Variants in KLHL32 observed in about 807,000 individuals in gnomAD.
KLHL32 encodes kelch-like protein 32.
A neutral mutation model predicts 64.8 loss-of-function variants in KLHL32; 35 were observed. That is an observed-to-expected ratio of 0.54 (90% CI 0.41 to 0.72). KLHL32 has a LOEUF of 0.72. Among genes scored for constraint, KLHL32 ranks in the 30% least tolerant of loss-of-function variants. The pLI, the probability that KLHL32 is intolerant of heterozygous loss-of-function variation, is 0.00. For missense variants in KLHL32, 589 were observed against 768.5 expected (o/e 0.77, Z 2.76); for synonymous variants, 259 against 281.0 (o/e 0.92, Z 0.78).
chr6:96,906,169 C>G, the KLHL32 span, among the ~76,000 whole-genome samples: 34,855 of 152,122 alleles, frequency 0.23, 4,628 homozygotes, highest in East Asian at 0.37. Context: ...AGACAGAAGT[C>G]TATGACCCCC....
At chr6:96,999,482 G>C (rs970417608) in intron 3 of KLHL32, 16 of 830,768 alleles carry the variant, frequency 1.9e-5, no homozygotes, top group Non-Finnish European at 2.3e-5. Context: ...TTTCCAGATT[G>C]TACTCATCTG....
At chr6:97,120,033 G>A (rs745709961) in intron 7 of KLHL32, among the ~76,000 whole-genome samples, 2 of 152,056 alleles carry the variant, frequency 1.3e-5, no homozygotes, top group Non-Finnish European at 2.9e-5. Flanking sequence ...AGGAAAGAGA[G>A]TGAAATTGAA....
intron 3 of KLHL32, among the ~76,000 whole-genome samples, chr6:97,003,776 A>C (rs1455099476): frequency 2.0e-5 from 3 of 151,910 alleles, no homozygotes; most frequent in Non-Finnish European, 4.4e-5. Context: ...GTTTTTGTTG[A>C]CTTTAACAAA....
At chr6:97,100,595 T>A (rs1470902896) in intron 6 of KLHL32, among the ~76,000 whole-genome samples, 1 of 152,194 alleles carries the variant, frequency 6.6e-6, no homozygotes, top group East Asian at 1.9e-4. Flanking sequence ...CAACATTAAA[T>A]CCTTAAATGC....
chr6:97,035,185 T>C (rs1784108014), intron 3 of KLHL32, among the ~76,000 whole-genome samples: 1 of 152,138 alleles, frequency 6.6e-6, no homozygotes, highest in Non-Finnish European at 1.5e-5. Flanking sequence ...TAAAATGTCT[T>C]GTAGTTACAA....
intron 6 of KLHL32, among the ~76,000 whole-genome samples, chr6:97,100,966 C>CTTTTTTTTTTGTTTTT (rs1795642245): frequency 1.4e-5 from 1 of 69,472 alleles, no homozygotes; most frequent in Admixed American, 1.7e-4. Flanking sequence ...TGCAGCCAAG[C>CTTTTTTTTTTGTTTTT]TTTTTTTTTT....
intron 10 of KLHL32, among the ~76,000 whole-genome samples, chr6:97,135,074 T>G (rs1799843259): frequency 6.6e-6 from 1 of 151,974 alleles, no homozygotes; most frequent in Admixed American, 6.6e-5. Context: ...TCAAAGGGGA[T>G]TCAATTATTT....
chr6:96,994,124 A>G (rs1352077379), intron 3 of KLHL32, among the ~76,000 whole-genome samples: 2 of 152,220 alleles, frequency 1.3e-5, no homozygotes, highest in African/African-American at 2.4e-5. Context: ...CTCATTCACA[A>G]TATATGCCAA....
intron 3 of KLHL32, among the ~76,000 whole-genome samples, chr6:96,995,310 T>C (rs753069562): frequency 9.2e-5 from 14 of 152,250 alleles, no homozygotes; most frequent in African/African-American, 1.4e-4. Flanking sequence ...CACTTTTTGA[T>C]GGGTCAGAAT....
intron 6 of KLHL32, among the ~76,000 whole-genome samples, chr6:97,102,403 C>A (rs1321723454): frequency 1.3e-5 from 2 of 152,098 alleles, no homozygotes; most frequent in African/African-American, 2.4e-5. Context: ...TTTTATTGAC[C>A]AAATTGGTTT....
chr6:96,971,647 C>T (rs1306866316), intron 2 of KLHL32, among the ~76,000 whole-genome samples: 1 of 151,898 alleles, frequency 6.6e-6, no homozygotes, highest in Non-Finnish European at 1.5e-5. Flanking sequence ...TGCATGAGGG[C>T]CTATGTGGGG....
At chr6:97,119,383 G>A (rs1798132402) in intron 7 of KLHL32, among the ~76,000 whole-genome samples, 1 of 152,160 alleles carries the variant, frequency 6.6e-6, no homozygotes, top group South Asian at 2.1e-4. Flanking sequence ...GAGATAATAG[G>A]AGGAGGAGGC....
chr6:97,060,062 A>G (rs1476946516), intron 4 of KLHL32, among the ~76,000 whole-genome samples: 1 of 152,190 alleles, frequency 6.6e-6, no homozygotes, highest in African/African-American at 2.4e-5. Context: ...TGTGTTTACT[A>G]AAGACCTTAG....
At chr6:96,941,581 C>G (rs1431535545) in intron 1 of KLHL32, among the ~76,000 whole-genome samples, 1 of 151,820 alleles carries the variant, frequency 6.6e-6, no homozygotes, top group East Asian at 1.9e-4. Flanking sequence ...ATGTGATGAC[C>G]AAAAAACAAT....
rs148111328 is a variant in KLHL32, at chr6:97,034,468, T to C, written c.205-7024T>C. On this transcript the variant is annotated intron_variant, in intron 3 of 10. Coordinates refer to ENST00000369261, the MANE Select transcript of KLHL32 (RefSeq NM_052904.4). ...TGTGATGCCTCCAGCATGTTCTTTT[T>C]GTTTAAGATTTCTTTGGCTATTCAG... is the stretch of plus-strand genomic sequence containing the variant. 5.3e-5 allele frequency among the ~76,000 whole-genome samples: 8 copies of C among 152,282 alleles called. No homozygotes were observed. In the East Asian group the frequency reaches 1.5e-3, roughly 29 times the overall value.
intron 6 of KLHL32, among the ~76,000 whole-genome samples, chr6:97,112,030 A>AT (rs1450023463): frequency 6.7e-6 from 1 of 148,422 alleles, no homozygotes; most frequent in African/African-American, 2.5e-5. Context: ...TGGGTACAGG[A>AT]TGGGGGGGTG....
At chr6:97,073,876 C>G (rs889270133) in intron 5 of KLHL32, among the ~76,000 whole-genome samples, 1 of 152,134 alleles carries the variant, frequency 6.6e-6, no homozygotes, top group Non-Finnish European at 1.5e-5. Context: ...TTCCCCTCTT[C>G]CTCACTGTCT....
intron 3 of KLHL32, among the ~76,000 whole-genome samples, chr6:96,981,701 C>T (rs1321056103): frequency 6.6e-6 from 1 of 151,998 alleles, no homozygotes; most frequent in African/African-American, 2.4e-5. Context: ...ACTGTAAACT[C>T]CTCTCTTAAC....
intron 3 of KLHL32, among the ~76,000 whole-genome samples, chr6:96,991,887 C>T (rs1777916689): frequency 6.6e-6 from 1 of 152,118 alleles, no homozygotes; most frequent in Non-Finnish European, 1.5e-5. Flanking sequence ...GAAAACAGGC[C>T]GCTTTTCCGG....
Sources: gnomAD v4.1 joint callset for allele counts (sites outside exome capture counted in the v4.1 genomes callset) on GRCh38, gnomAD v4.1.1 for gene constraint, MANE v1.5 for transcripts, NCBI Gene and HGNC (gene_info 2026-07-23, HGNC 2026-07-21) for gene names.